CTTNBP2: variants seen among roughly 807,000 people sequenced by gnomAD.
The protein encoded by CTTNBP2 is cortactin binding protein 2.
In CTTNBP2, 108 loss-of-function variants were observed where a neutral mutation model predicts 156.9. The ratio of observed to expected loss-of-function variants is 0.69; its 90% CI spans 0.59 to 0.81. The LOEUF (loss-of-function observed/expected upper bound fraction) is 0.81, where lower values mean the gene tolerates loss of function less well. CTTNBP2 is among the 30% of genes least tolerant of loss of function. The pLI, the probability that CTTNBP2 is intolerant of heterozygous loss-of-function variation, is 0.00. For missense variants in CTTNBP2, 1,924 were observed against 2,035.4 expected (o/e 0.95, Z 1.05); for synonymous variants, 767 against 751.8 (o/e 1.02, Z -0.33).
chr7:117,767,195 T>G lies in CTTNBP2; in HGVS notation c.2779-19A>C. On this transcript the variant is annotated intron_variant, in intron 8 of 22. Coordinates refer to ENST00000160373, the MANE Select transcript of CTTNBP2 (RefSeq NM_033427.3). The stretch of plus-strand genomic sequence containing the variant: ...GGCAGTTCTATAAAGACAAGAGCTC[T>G]ATTACCTCCAAGTCCAAATGAATTA... 7.5e-7 allele frequency: 1 copy of G among 1,335,066 alleles called. No homozygotes were observed. The highest frequency in any genetic ancestry group is 1.1e-6 in the Non-Finnish European group (1 of 925,206). 82.7% of individuals were successfully genotyped at this position (1,335,066 alleles called of 1,614,324 possible).
chr7:117,843,914 T>A (rs1010466633), intron 2 of CTTNBP2, among the ~76,000 whole-genome samples: 15 of 152,264 alleles, frequency 9.9e-5, no homozygotes, highest in African/African-American at 2.9e-4. Context: ...GATGTTGCGA[T>A]GTGATTAAGT....
intron 12 of CTTNBP2, among the ~76,000 whole-genome samples, chr7:117,748,200 G>A (rs1436485831): frequency 6.6e-6 from 1 of 152,064 alleles, no homozygotes; most frequent in Non-Finnish European, 1.5e-5. Context: ...AATAATTATT[G>A]AAAAGTAATA....
intron 8 of CTTNBP2, among the ~76,000 whole-genome samples, chr7:117,773,690 C>A (rs1797924233): frequency 6.7e-6 from 1 of 148,854 alleles, no homozygotes; most frequent in African/African-American, 2.6e-5. Context: ...CACACACACA[C>A]ACACACACAC....
chr7:117,718,134 A>C lies in CTTNBP2; in HGVS notation c.4645-15T>G. On this transcript the variant is annotated splice_polypyrimidine_tract_variant and intron_variant, in intron 21 of 22. Transcript: ENST00000160373. ...GAATCAGCAATCTAGAAAATACAGA[A>C]TTTGCCCGGTCATGTCTCCACAGTC... The C allele has an allele frequency of 1.3e-6, 2 of 1,550,460 alleles. No individual in the cohort carries two copies. The highest frequency in any genetic ancestry group is 1.8e-6 in the Non-Finnish European group (2 of 1,123,320).
chr7:117,848,106 C>A (rs537660485), intron 2 of CTTNBP2, among the ~76,000 whole-genome samples: 4 of 152,188 alleles, frequency 2.6e-5, no homozygotes, highest in Non-Finnish European at 5.9e-5. Flanking sequence ...TGTGAGCCAC[C>A]ACGCCTGGCC....
intron 4 of CTTNBP2, among the ~76,000 whole-genome samples, chr7:117,787,053 C>T (rs1798739717): frequency 6.6e-6 from 1 of 152,126 alleles, no homozygotes; most frequent in Non-Finnish European, 1.5e-5. Flanking sequence ...TATATCTTCA[C>T]TAACATTTCC....
At chr7:117,839,265 T>C (rs1368441615) in intron 2 of CTTNBP2, among the ~76,000 whole-genome samples, 2 of 152,170 alleles carry the variant, frequency 1.3e-5, no homozygotes, top group Non-Finnish European at 2.9e-5. Context: ...GTAGTCTCAT[T>C]GAATCCTGAC....
intron 16 of CTTNBP2, among the ~76,000 whole-genome samples, chr7:117,730,093 G>A (rs1046719011): frequency 3.9e-5 from 6 of 152,234 alleles, no homozygotes; most frequent in South Asian, 2.1e-4. Context: ...TCCCCTGAAC[G>A]AATGACTTCA....
At chr7:117,754,561 C>G (rs1388302298) in intron 12 of CTTNBP2, among the ~76,000 whole-genome samples, 1 of 152,128 alleles carries the variant, frequency 6.6e-6, no homozygotes, top group East Asian at 1.9e-4. Flanking sequence ...TAACACAGGG[C>G]CTATGCTCTT....
chr7:117,825,357 T>A (rs932474195), intron 2 of CTTNBP2, among the ~76,000 whole-genome samples: 1 of 152,234 alleles, frequency 6.6e-6, no homozygotes, highest in Non-Finnish European at 1.5e-5. Flanking sequence ...ACTGTTGCAA[T>A]GCTGCTTTCT....
intron 1 of CTTNBP2, among the ~76,000 whole-genome samples, chr7:117,864,336 C>G (rs928335685): frequency 6.6e-5 from 10 of 152,176 alleles, no homozygotes; most frequent in Non-Finnish European, 1.2e-4. Flanking sequence ...CATCTGTCTG[C>G]TTGTCTCTCT....
chr7:117,761,063 A>G (rs1797187753), intron 9 of CTTNBP2, among the ~76,000 whole-genome samples: 2 of 152,146 alleles, frequency 1.3e-5, no homozygotes, highest in African/African-American at 2.4e-5. Context: ...CCTTTCCTTC[A>G]TAGATAATGT....
chr7:117,788,606 T>C (rs1409553132), intron 4 of CTTNBP2, among the ~76,000 whole-genome samples: 1 of 152,140 alleles, frequency 6.6e-6, no homozygotes, highest in Non-Finnish European at 1.5e-5. Context: ...TTAGTTGCAA[T>C]GGTCACAGTG....
chr7:117,731,634 A>G (rs542667609), intron 16 of CTTNBP2, among the ~76,000 whole-genome samples: 165 of 152,354 alleles, frequency 1.1e-3, no homozygotes, highest in Non-Finnish European at 1.9e-3. Context: ...CAACCTTAGT[A>G]CTGGAGCTTG....
At chr7:117,759,255 A>C (rs1797059118) in intron 10 of CTTNBP2, among the ~76,000 whole-genome samples, 2 of 152,010 alleles carry the variant, frequency 1.3e-5, no homozygotes, top group Admixed American at 1.3e-4. Context: ...CTACAGGTGC[A>C]TGTGACCGCA....
At chr7:117,719,214 A>G (rs1454844907) in intron 21 of CTTNBP2, among the ~76,000 whole-genome samples, 7 of 152,188 alleles carry the variant, frequency 4.6e-5, no homozygotes, top group Non-Finnish European at 1.0e-4. Flanking sequence ...AAAATAAAAA[A>G]GAAAAGCTGC....
rs181788516 is a variant in CTTNBP2 at position 117,745,836 on chromosome 7, C to A, written c.3530G>T (p.Ser1177Ile). Residue 1177 changes from serine (S) to isoleucine (I), a missense_variant, in exon 14 of 23, where the codon AGT becomes ATT. Physicochemically the swap from Ser to Ile is moderately radical, Grantham distance 142. Transcript: ENST00000160373. ...ATTTGCTGAAATGTTCTTACCGCTA[C>A]TAATGAACAGGTCTAGTAGCTGTTC... ...SKEQLLDLFI[S>I]SACLIPVKQS... is the part of the protein sequence containing the mutation. 1.9e-5 allele frequency: 30 copies of A among 1,610,980 alleles called. No individual in the cohort carries two copies. In the East Asian group the frequency reaches 6.7e-4, roughly 36 times the overall value.
At chr7:117,848,117 T>C (rs1802714104) in intron 2 of CTTNBP2, among the ~76,000 whole-genome samples, 1 of 152,238 alleles carries the variant, frequency 6.6e-6, no homozygotes, top group African/African-American at 2.4e-5. Context: ...ACGCCTGGCC[T>C]GCCTAACCAT....
chr7:117,788,297 AG>A, intron 4 of CTTNBP2, among the ~76,000 whole-genome samples: 1 of 152,306 alleles, frequency 6.6e-6, no homozygotes, highest in Non-Finnish European at 1.5e-5. Context: ...TAAATGAAAA[AG>A]CTAATGGCTC....
Sources: allele counts gnomAD v4.1 joint callset (sites outside exome capture counted in the v4.1 genomes callset), GRCh38; gene constraint gnomAD v4.1.1; transcripts MANE v1.5; gene names NCBI Gene and HGNC (gene_info 2026-07-23, HGNC 2026-07-21).